The following SRPK2 variants were observed in gnomAD, a reference collection of about 807,000 sequenced individuals.
The protein encoded by SRPK2 is SFRS protein kinase 2.
Under a neutral mutation model 90.8 loss-of-function variants are expected in SRPK2, and 21 were observed. That is an observed-to-expected ratio of 0.23 (90% CI 0.16 to 0.33). The LOEUF is 0.33. SRPK2 is among the 10% of genes least tolerant of loss of function. The pLI is 1.00. For missense variants in SRPK2, 620 were observed against 869.0 expected, an observed-to-expected ratio of 0.71 and a Z score of 3.60; for synonymous variants, 288 against 311.1, an observed-to-expected ratio of 0.93 and a Z score of 0.78.
At chr7:105,385,208 T>G (rs1821416009) in intron 2 of SRPK2, among the ~76,000 whole-genome samples, 1 of 102,604 alleles carries the variant, frequency 9.7e-6, no homozygotes, top group South Asian at 3.4e-4. Flanking sequence ...TGAGATGGAG[T>G]CTCGCTCTGT....
intron 7 of SRPK2, among the ~76,000 whole-genome samples, chr7:105,151,453 G>A (rs1165632255): frequency 1.3e-5 from 2 of 152,210 alleles, no homozygotes; most frequent in Non-Finnish European, 2.9e-5. Flanking sequence ...TAGCACACAA[G>A]AAACTTAAAT....
At chr7:105,263,544 T>C (rs547557663) in intron 2 of SRPK2, among the ~76,000 whole-genome samples, 1 of 151,974 alleles carries the variant, frequency 6.6e-6, no homozygotes, top group Non-Finnish European at 1.5e-5. Flanking sequence ...ATCCAGAGGG[T>C]TTCTATTTAT....
rs1023421484 is a variant in SRPK2 at position 105,221,526 on chromosome 7, C to T, written c.72-17741G>A. ...GGATTTCAAACCAATATCACACCAA[C>T]GCCAAATGCTACTTTGGCCCCAACC... On this transcript the variant is annotated intron_variant, in intron 2 of 15. Coordinates refer to ENST00000393651, the MANE Select transcript of SRPK2 (RefSeq NM_182692.3). Among the ~76,000 whole-genome samples, 16 of 152,286 alleles carry T rather than the reference C, an allele frequency of 1.1e-4. 1 individual carries two copies. The highest frequency in any genetic ancestry group is 9.6e-4 in the East Asian group (5 of 5,188).
chr7:105,271,781 C>T (rs1286888283), intron 2 of SRPK2, among the ~76,000 whole-genome samples: 1 of 152,178 alleles, frequency 6.6e-6, no homozygotes, highest in Non-Finnish European at 1.5e-5. Flanking sequence ...AACACTTTCC[C>T]CCTCAATTAG....
intron 2 of SRPK2, among the ~76,000 whole-genome samples, chr7:105,336,353 T>C (rs1435287345): frequency 1.3e-5 from 2 of 152,236 alleles, no homozygotes; most frequent in African/African-American, 2.4e-5. Context: ...AATTTTTCTT[T>C]AGTGTGTTGG....
At chr7:105,295,237 A>G (rs1402203528) in intron 2 of SRPK2, among the ~76,000 whole-genome samples, 2 of 151,598 alleles carry the variant, frequency 1.3e-5, no homozygotes, top group African/African-American at 4.8e-5. Flanking sequence ...GAATGAAAAT[A>G]TTTTATTAAT....
chr7:105,336,959 A>T (rs1434896578), intron 2 of SRPK2, among the ~76,000 whole-genome samples: 1 of 151,668 alleles, frequency 6.6e-6, no homozygotes, highest in Non-Finnish European at 1.5e-5. Flanking sequence ...CCGCCACCAC[A>T]CCTAGCTAAT....
Position 105,172,460 on chromosome 7 carries a change from G to A in SRPK2, c.230-3195C>T, listed in dbSNP as rs556065780. On this transcript the variant is annotated intron_variant, in intron 3 of 15. Coordinates refer to ENST00000393651, the MANE Select transcript of SRPK2 (RefSeq NM_182692.3). ...TAGGCCTAATGTTTTAATACAGAGT[G>A]AGAACCTTTAAGAGAACAGAAAATG... Among the ~76,000 whole-genome samples the A allele has an allele frequency of 8.5e-5, 13 of 152,302 alleles. No homozygotes were observed. In the South Asian group the frequency reaches 1.9e-3, roughly 22 times the overall value.
intron 5 of SRPK2, 102 bp downstream of exon 5, chr7:105,167,906 C>A (rs1273433991): frequency 9.9e-7 from 1 of 1,013,884 alleles, no homozygotes; most frequent in African/African-American, 1.6e-5. Flanking sequence ...CCACCGTGCC[C>A]AGCCAAACTT....
chr7:105,195,604 A>G (rs1480078179), intron 3 of SRPK2, among the ~76,000 whole-genome samples: 2 of 152,150 alleles, frequency 1.3e-5, no homozygotes, highest in Admixed American at 1.3e-4. Flanking sequence ...GGCTTCTTAC[A>G]CCTTGTTCTG....
At chr7:105,268,476 T>G (rs1054474618) in intron 2 of SRPK2, among the ~76,000 whole-genome samples, 4 of 152,238 alleles carry the variant, frequency 2.6e-5, no homozygotes, top group African/African-American at 9.6e-5. Flanking sequence ...CCTCACAGCA[T>G]TTCCCTTTAA....
In SRPK2 at chr7:105,131,687, A is replaced by G. The variant is rs369474119; in HGVS notation, c.1752+1104T>C. 1.2e-4 allele frequency among the ~76,000 whole-genome samples: 19 copies of G among 152,350 alleles called. 1 individual carries two copies. In the East Asian group the frequency reaches 3.3e-3, roughly 26 times the overall value. On this transcript the variant is annotated intron_variant, in intron 13 of 15. Transcript: ENST00000393651. ...ACTTGAGCATTAGAGGAGGTAAAACACAGTAAATTCAAGAAAATTGTTAAA... is the reference window on the plus strand; with the variant it reads ...ACTTGAGCATTAGAGGAGGTAAAACGCAGTAAATTCAAGAAAATTGTTAAA...
At chr7:105,391,155 T>C (rs574123780), upstream of SRPK2, among the ~76,000 whole-genome samples, 58 of 152,266 alleles carry the variant, frequency 3.8e-4, no homozygotes, top group African/African-American at 1.4e-3. Context: ...AATGAGCTAC[T>C]ACTTCACACC....
At chr7:105,276,044 T>C (rs1806437676) in intron 2 of SRPK2, among the ~76,000 whole-genome samples, 1 of 151,982 alleles carries the variant, frequency 6.6e-6, no homozygotes, top group South Asian at 2.1e-4. Flanking sequence ...ATCCACAAAC[T>C]TAATTTTGTT....
intron 3 of SRPK2, among the ~76,000 whole-genome samples, chr7:105,200,042 C>T (rs369601589): frequency 7.2e-5 from 11 of 152,058 alleles, no homozygotes; most frequent in East Asian, 3.8e-4. Flanking sequence ...TGGTTCACAC[C>T]GGTAATCCCA....
intron 8 of SRPK2, 138 bp from the exon 9 acceptor site, chr7:105,145,446 T>C (rs967494563): frequency 5.6e-6 from 3 of 539,046 alleles, no homozygotes; most frequent in Admixed American, 7.6e-5. Context: ...TCAGAGCTTC[T>C]TAATCACAAG....
intron 2 of SRPK2, among the ~76,000 whole-genome samples, chr7:105,249,350 A>AT (rs1238119989): frequency 1.3e-5 from 2 of 152,298 alleles, no homozygotes; most frequent in African/African-American, 2.4e-5. Context: ...ATCAACAAGG[A>AT]TTTTTTTAAA....
At chr7:105,246,044 A>G (rs1801613919) in intron 2 of SRPK2, among the ~76,000 whole-genome samples, 2 of 152,220 alleles carry the variant, frequency 1.3e-5, no homozygotes, top group Admixed American at 1.3e-4. Context: ...CAGCTGCTGC[A>G]AAAAGAAAAG....
At chr7:105,133,656 A>T (rs1802361506) in intron 11 of SRPK2, among the ~76,000 whole-genome samples, 1 of 152,200 alleles carries the variant, frequency 6.6e-6, no homozygotes, top group Admixed American at 6.5e-5. Context: ...ACAGATCTCA[A>T]GGGGTAGATG....
Sources: allele counts gnomAD v4.1 joint callset (sites outside exome capture counted in the v4.1 genomes callset), GRCh38; gene constraint gnomAD v4.1.1; transcripts MANE v1.5; gene names NCBI Gene and HGNC (gene_info 2026-07-23, HGNC 2026-07-21).